VPS51: variants seen among roughly 807,000 people sequenced by gnomAD.
The protein encoded by VPS51 is VPS51 subunit of GARP complex.
In VPS51, 55 loss-of-function variants were observed where a neutral mutation model predicts 65.1. The ratio of observed to expected loss-of-function variants is 0.84; its 90% confidence interval spans 0.68 to 1.06. The LOEUF (loss-of-function observed/expected upper bound fraction) is 1.06. Ranked by LOEUF, VPS51 falls within the 50% of genes least tolerant of loss-of-function variation. The pLI is 0.00. For missense variants in VPS51, 943 were observed against 1,101.6 expected, an observed-to-expected ratio of 0.86 and a Z score of 2.04; for synonymous variants, 473 against 489.5, an observed-to-expected ratio of 0.97 and a Z score of 0.44.
chr11:65,100,734 C>T (rs756560893), intron 2 of VPS51, among the ~76,000 whole-genome samples: 7 of 151,962 alleles, frequency 4.6e-5, no homozygotes, highest in African/African-American at 7.2e-5. Flanking sequence ...TTACTAGAGA[C>T]GGGATTCCAC....
chr11:65,111,705 C>A lies in VPS51; in HGVS notation c.*118C>A. On this transcript the variant is annotated 3_prime_UTR_variant, in exon 10 of 10. Transcript: ENST00000279281. Reference sequence around the variant, plus strand: ...CCGGCCTAATAAACATGTGTGGCCTCCTCCTCTCGCTTGCTGGGCGGGCCT... The same window carrying A: ...CCGGCCTAATAAACATGTGTGGCCTACTCCTCTCGCTTGCTGGGCGGGCCT... The A allele has an allele frequency of 7.1e-7, 1 of 1,402,226 alleles. No homozygotes were observed. The highest frequency in any genetic ancestry group is 1.5e-5 in the South Asian group (1 of 67,972). 86.9% of individuals were successfully genotyped at this position (1,402,226 alleles called of 1,614,324 possible).
rs1947858182 is a variant in VPS51 at position 65,108,265 on chromosome 11, C to T, written c.794C>T (p.Ala265Val). 5.0e-6 allele frequency: 8 copies of T among 1,598,568 alleles called. No homozygotes were observed. The highest frequency in any genetic ancestry group is 1.1e-5 in the South Asian group (1 of 89,266). Residue 265 changes from alanine (A) to valine (V), a missense_variant, in exon 5 of 10, where the codon GCG (alanine) becomes GTG (valine). Coordinates refer to ENST00000279281, the MANE Select transcript of VPS51 (RefSeq NM_013265.4). ...VELLLALGEPAEELCEEFLAH... is the reference protein window; with the variant it reads ...VELLLALGEPVEELCEEFLAH... ...CTGCTGCTGGCCCTGGGCGAGCCTGCGGAGGAGCTGTGCGAGGAGTTCCTG... is the reference window on the plus strand; with the variant it reads ...CTGCTGCTGGCCCTGGGCGAGCCTGTGGAGGAGCTGTGCGAGGAGTTCCTG...
At chr11:65,110,890 A>G in intron 9 of VPS51, 109 bp downstream of exon 9, 1 of 1,319,062 alleles carries the variant, frequency 7.6e-7, no homozygotes. Context: ...ACTGGGGGTG[A>G]CCCTGACCCT....
At chr11:65,096,878 G>A in intron 1 of VPS51, 120 bp from the exon 2 acceptor site, 1 of 1,445,650 alleles carries the variant, frequency 6.9e-7, no homozygotes, top group Non-Finnish European at 9.3e-7. Context: ...GACAGCCGGC[G>A]GGGGTTTGCG....
chr11:65,111,039 ATCCCCACAGTAGTCTT>A, intron 9 of VPS51: 1 of 674,150 alleles, frequency 1.5e-6, no homozygotes, highest in Non-Finnish European at 2.6e-6. Flanking sequence ...CCTTGTCCTT[ATCCCCACAGTAGTCTT>A]GGGTCCTCCC....
chr11:65,107,907 G>A lies in VPS51; in HGVS notation c.610G>A (p.Gly204Ser). 6.4e-7 allele frequency: 1 copy of A among 1,552,396 alleles called. No individual in the cohort carries two copies. ...GAYGQAVRYQ[G>S]RAQAVLQQYQ... Reference sequence around the variant, plus strand: ...CTATGGGCAGGCGGTGCGCTACCAGGGCCGCGCGCAGGCCGTGCTGCAGCA... The same window carrying A: ...CTATGGGCAGGCGGTGCGCTACCAGAGCCGCGCGCAGGCCGTGCTGCAGCA... The change falls in exon 4 of 10, where the codon GGC becomes AGC. Residue 204 changes from glycine (G) to serine (S), a missense_variant. This residue lies in a region of VPS51 where 855 missense variants were observed against 953.7 expected (regional missense o/e 0.90). Coordinates refer to ENST00000279281, the MANE Select transcript of VPS51 (RefSeq NM_013265.4). The surrounding 1 kb of genome is among the most constrained non-coding windows in gnomAD (Gnocchi z 4.0).
intron 4 of VPS51, 22 bp downstream of exon 4, chr11:65,108,044 C>T (rs1224847289): frequency 3.4e-6 from 5 of 1,490,244 alleles, no homozygotes; most frequent in East Asian, 2.5e-5. Flanking sequence ...CTGCCCTGAC[C>T]CCAGCGCTCC....
At position 65,108,813 on chromosome 11, in the gene VPS51, A is replaced by G. The variant is rs1191383483; in HGVS notation, c.1342A>G (p.Asn448Asp). 3 of 1,612,928 alleles carry G rather than the reference A, an allele frequency of 1.9e-6. No homozygotes were observed. The Admixed American group carries it at 5.0e-5, about 27-fold the overall frequency. Residue 448 changes from asparagine (N) to aspartate (D), a missense_variant, in exon 5 of 10, where the codon AAT becomes GAT. By Grantham distance (23) the Asn-to-Asp change is conservative. Coordinates refer to ENST00000279281, the MANE Select transcript of VPS51 (RefSeq NM_013265.4). ...CCCTGGCCTGGCCGAGTTGCTGGCC[A>G]ATGTGGCCAGCTCCATCCTGAGCCA... is the stretch of plus-strand genomic sequence containing the variant. ...EGPGLAELLA[N>D]VASSILSHIK...
chr11:65,109,654 G>C (rs1947874973), intron 6 of VPS51, 51 bp from the exon 7 acceptor site: 1 of 1,525,896 alleles, frequency 6.6e-7, no homozygotes, highest in African/African-American at 1.4e-5. Flanking sequence ...AGTGGCCCCT[G>C]AGCTGCCCCC....
At position 65,108,646 on chromosome 11, in the gene VPS51, C is replaced by T; in HGVS notation, c.1175C>T (p.Ala392Val). ...PGALLAAAGL[A>V]DAATEIVERV... ...GCCCTGCTGGCCGCTGCCGGGCTCG[C>T]AGACGCTGCCACGGAGATCGTGGAA... Residue 392 changes from alanine to valine, a missense_variant, in exon 5 of 10, where the codon GCA becomes GTA. By Grantham distance (64) the Ala-to-Val change is moderately conservative. This residue lies in a region of VPS51 where 855 missense variants were observed against 953.7 expected (regional missense o/e 0.90). Coordinates refer to ENST00000279281, the MANE Select transcript of VPS51 (RefSeq NM_013265.4). 1 of 1,543,570 alleles carries T rather than the reference C, an allele frequency of 6.5e-7. No individual in the cohort carries two copies. The highest frequency in any genetic ancestry group is 8.7e-7 in the Non-Finnish European group (1 of 1,152,708).
chr11:65,109,306 T>A lies in VPS51; in HGVS notation c.1470T>A (p.Arg490=). ...GTGAGTTCTGCAGTCAGGGTGTCCG[T>A]GAGGGCCTCATCGTGGGCTTCGTCC... The part of the protein sequence containing the change: ...FRGEFCSQGV[R]EGLIVGFVHS... Residue 490 remains arginine (R), a synonymous_variant, in exon 6 of 10, where the codon CGT becomes CGA. Coordinates refer to ENST00000279281, the MANE Select transcript of VPS51 (RefSeq NM_013265.4). 1 of 1,613,110 alleles carries A rather than the reference T, an allele frequency of 6.2e-7. No homozygotes were observed. Among genetic ancestry groups the A allele is most frequent in the Non-Finnish European group, 8.5e-7 (1 of 1,179,690 alleles).
In VPS51 at chr11:65,108,570, C is replaced by T. The variant is rs1947862199; in HGVS notation, c.1099C>T (p.Leu367=). The change falls in exon 5 of 10, where the codon CTG becomes TTG. Residue 367 remains leucine, a synonymous_variant. Transcript: ENST00000279281. ...GGAGCAGGGTGGTGGTGACAACTCA[C>T]TGCTGGTGCGGGCGCTGGACCGCTT... ...AQEQGGGDNS[L]LVRALDRFHR... 1 of 1,557,528 alleles carries T rather than the reference C, an allele frequency of 6.4e-7. No homozygotes were observed. The highest frequency in any genetic ancestry group is 8.6e-7 in the Non-Finnish European group (1 of 1,158,536).
At chr11:65,110,074 A>T in intron 7 of VPS51, 151 bp downstream of exon 7, 1 of 886,558 alleles carries the variant, frequency 1.1e-6, no homozygotes. Context: ...TTCTGTAGCC[A>T]GGGCGTCCGT....
At chr11:65,102,451 A>G (rs977405985) in intron 2 of VPS51, among the ~76,000 whole-genome samples, 3 of 152,338 alleles carry the variant, frequency 2.0e-5, no homozygotes, top group Non-Finnish European at 4.4e-5. Flanking sequence ...GGCAGCGACA[A>G]TGACAGCACA....
intron 7 of VPS51, 34 bp from the exon 8 acceptor site, chr11:65,110,448 C>A: frequency 1.2e-6 from 2 of 1,613,514 alleles, no homozygotes; most frequent in Non-Finnish European, 1.7e-6. Flanking sequence ...TCCCCTGACT[C>A]GGGCCTCCTT....
At position 65,111,702 on chromosome 11, in the gene VPS51, C is replaced by A; in HGVS notation, c.*115C>A. 1 of 1,409,160 alleles carries A rather than the reference C, an allele frequency of 7.1e-7. No individual in the cohort carries two copies. Among genetic ancestry groups the A allele is most frequent in the Non-Finnish European group, 9.3e-7 (1 of 1,070,932 alleles). 87.3% of individuals were successfully genotyped at this position (1,409,160 alleles called of 1,614,324 possible). A position where few individuals can be genotyped will look rare whatever the true frequency, so the allele number is the denominator to read the frequency against. On this transcript the variant is annotated 3_prime_UTR_variant, in exon 10 of 10. Transcript: ENST00000279281. Reference sequence around the variant, plus strand: ...GGACCGGCCTAATAAACATGTGTGGCCTCCTCCTCTCGCTTGCTGGGCGGG... The same window carrying A: ...GGACCGGCCTAATAAACATGTGTGGACTCCTCCTCTCGCTTGCTGGGCGGG...
chr11:65,111,352 A>G lies in VPS51; in HGVS notation c.2114A>G (p.Lys705Arg), dbSNP rs1391117699. 11 of 1,607,078 alleles carry G rather than the reference A, an allele frequency of 6.8e-6. No individual in the cohort carries two copies. The highest frequency in any genetic ancestry group is 8.5e-6 in the Non-Finnish European group (10 of 1,179,648). ...GTGTCGGTGCTGACCGGCATCATCAAGATCAGCCTGAAGACGCTGCTGGAG... is the reference window on the plus strand; with the variant it reads ...GTGTCGGTGCTGACCGGCATCATCAGGATCAGCCTGAAGACGCTGCTGGAG... ...NKVSVLTGII[K>R]ISLKTLLECV... Residue 705 changes from lysine to arginine, a missense_variant, in exon 10 of 10, where the codon AAG becomes AGG. Coordinates refer to ENST00000279281, the MANE Select transcript of VPS51 (RefSeq NM_013265.4).
chr11:65,096,617 C>A (rs1023667030), intron 1 of VPS51, 139 bp downstream of exon 1: 2 of 766,602 alleles, frequency 2.6e-6, no homozygotes, highest in Non-Finnish European at 2.0e-6. Context: ...CGAACCTCGG[C>A]CAGGGAGTAC....
At chr11:65,099,947 A>T (rs1261870645) in intron 2 of VPS51, among the ~76,000 whole-genome samples, 1 of 152,128 alleles carries the variant, frequency 6.6e-6, no homozygotes, top group Non-Finnish European at 1.5e-5. Context: ...TACTAAAAAT[A>T]CAAAAATTAG....
Sources: gnomAD v4.1 joint callset for allele counts (sites outside exome capture counted in the v4.1 genomes callset) on GRCh38, gnomAD v4.1.1 for gene constraint, gnomAD v4.1.1 regional missense constraint, Gnocchi (gnomAD v3.1) non-coding constraint, MANE v1.5 for transcripts, NCBI Gene and HGNC (gene_info 2026-07-23, HGNC 2026-07-21) for gene names.